The following GXYLT2 variants were observed in gnomAD, a reference collection of about 807,000 sequenced individuals.
GXYLT2 encodes the protein glycosyltransferase 8 domain containing 4.
GXYLT2 carries 53 observed loss-of-function variants against 45.8 expected under a neutral mutation model. The observed-to-expected ratio is 1.16, with a 90% CI of 0.93 to 1.46. The LOEUF (loss-of-function observed/expected upper bound fraction) is 1.46. Among genes scored for constraint, GXYLT2 ranks in the 40% most tolerant of loss-of-function variants. GXYLT2 has a pLI of 0.00. For missense variants in GXYLT2, 551 were observed against 544.4 expected (o/e 1.01, Z -0.12); for synonymous variants, 219 against 214.2 (o/e 1.02, Z -0.19).
chr3:72,928,169 A>T (rs1185689795), intron 3 of GXYLT2, among the ~76,000 whole-genome samples: 1 of 152,252 alleles, frequency 6.6e-6, no homozygotes, highest in Non-Finnish European at 1.5e-5. Context: ...AAATGGTGAC[A>T]TTAGGAGCCC....
intron 2 of GXYLT2, among the ~76,000 whole-genome samples, chr3:72,918,370 GCTTA>G (rs1335597849): frequency 1.3e-5 from 2 of 152,132 alleles, no homozygotes; most frequent in Non-Finnish European, 2.9e-5. Context: ...AGACTCTGGA[GCTTA>G]CTTAACCAAA....
intron 5 of GXYLT2, among the ~76,000 whole-genome samples, chr3:72,958,188 A>T (rs1710687002): frequency 6.6e-6 from 1 of 151,380 alleles, no homozygotes; most frequent in South Asian, 2.1e-4. Flanking sequence ...CAGGAGAATC[A>T]CTTGAACCCG....
At chr3:72,906,562 C>T (rs1709514020) in intron 1 of GXYLT2, among the ~76,000 whole-genome samples, 1 of 151,706 alleles carries the variant, frequency 6.6e-6, no homozygotes, top group Non-Finnish European at 1.5e-5. Context: ...TCCCTTATTC[C>T]CTGCAGAACG....
At chr3:72,932,951 G>A (rs1029973041) in intron 3 of GXYLT2, among the ~76,000 whole-genome samples, 1 of 152,126 alleles carries the variant, frequency 6.6e-6, no homozygotes, top group Admixed American at 6.6e-5. Flanking sequence ...GTAACCAGAA[G>A]AAATAATTTC....
chr3:72,895,425 C>T (rs1353392128), intron 1 of GXYLT2, among the ~76,000 whole-genome samples: 1 of 152,072 alleles, frequency 6.6e-6, no homozygotes, highest in Non-Finnish European at 1.5e-5. Flanking sequence ...CCAGAGAGTC[C>T]TGACTAATTT....
intron 6 of GXYLT2, among the ~76,000 whole-genome samples, chr3:72,972,500 G>A (rs1213133141): frequency 6.6e-6 from 1 of 151,818 alleles, no homozygotes; most frequent in Non-Finnish European, 1.5e-5. Flanking sequence ...AATCAGCCGG[G>A]CGTGGTGGCA....
intron 1 of GXYLT2, among the ~76,000 whole-genome samples, chr3:72,896,855 A>T (rs79942270): frequency 5.4e-5 from 6 of 110,298 alleles, no homozygotes; most frequent in African/African-American, 3.9e-4. Flanking sequence ...GTCTCACATT[A>T]AAAAAAAAAA....
intron 6 of GXYLT2, 90 bp from the exon 7 acceptor site, chr3:72,974,887 G>T (rs1711062502): frequency 1.0e-6 from 1 of 978,726 alleles, no homozygotes. Flanking sequence ...TGGGCTTATC[G>T]TAATTCCTGT....
At chr3:72,903,514 A>G (rs192419097) in intron 1 of GXYLT2, among the ~76,000 whole-genome samples, 2 of 152,330 alleles carry the variant, frequency 1.3e-5, no homozygotes, top group Admixed American at 6.5e-5. Flanking sequence ...GTGTAGTACA[A>G]GTGTGTTAAT....
intron 2 of GXYLT2, among the ~76,000 whole-genome samples, chr3:72,911,811 G>T (rs1709627982): frequency 6.6e-6 from 1 of 151,622 alleles, no homozygotes; most frequent in Non-Finnish European, 1.5e-5. Flanking sequence ...GTCTCACTCT[G>T]TTGCCCATTG....
chr3:72,932,909 A>G (rs961567751), intron 3 of GXYLT2, among the ~76,000 whole-genome samples: 13 of 152,224 alleles, frequency 8.5e-5, no homozygotes, highest in African/African-American at 3.1e-4. Context: ...GCCCAAATAC[A>G]TTTAAATCTT....
intron 5 of GXYLT2, among the ~76,000 whole-genome samples, chr3:72,963,379 C>G (rs1710802544): frequency 6.6e-6 from 1 of 151,962 alleles, no homozygotes; most frequent in Non-Finnish European, 1.5e-5. Context: ...TCGAGACCAG[C>G]CTGGCCAACA....
At chr3:72,946,729 G>A (rs1054923813) in intron 3 of GXYLT2, among the ~76,000 whole-genome samples, 3 of 152,040 alleles carry the variant, frequency 2.0e-5, no homozygotes, top group Admixed American at 2.0e-4. Flanking sequence ...TCACCTTGTG[G>A]GTTAAGATTT....
intron 1 of GXYLT2, among the ~76,000 whole-genome samples, chr3:72,895,620 G>T (rs1476214367): frequency 6.6e-6 from 1 of 152,074 alleles, no homozygotes; most frequent in Non-Finnish European, 1.5e-5. Context: ...ATTTTATGTT[G>T]TATGTATTTT....
rs1287100366 is a variant in GXYLT2, at chr3:72,974,998, T to C, written c.1171T>C (p.Phe391Leu). 1.9e-6 allele frequency: 3 copies of C among 1,588,662 alleles called. No individual in the cohort carries two copies. The highest frequency in any genetic ancestry group is 2.6e-6 in the Non-Finnish European group (3 of 1,166,490). ...TCAGTTTCCCTTTCAAGACAATCTCTTTCAATCCATGTATTACCCCCTTCA... is the reference window on the plus strand; with the variant it reads ...TCAGTTTCCCTTTCAAGACAATCTCCTTCAATCCATGTATTACCCCCTTCA... ...IRDFPFQDNL[F>L]QSMYYPLQLK... The change falls in exon 7 of 7, where the codon TTT (phenylalanine) becomes CTT (leucine). Residue 391 changes from phenylalanine (F) to leucine (L), a missense_variant. Physicochemically the swap from Phe to Leu is conservative, Grantham distance 22. Transcript: ENST00000389617.
intron 2 of GXYLT2, among the ~76,000 whole-genome samples, chr3:72,921,484 G>A (rs1709832582): frequency 6.6e-6 from 1 of 152,034 alleles, no homozygotes; most frequent in Non-Finnish European, 1.5e-5. Flanking sequence ...CCAGGCTGGA[G>A]TACTGTGGCA....
At chr3:72,961,355 A>G (rs1331886953) in intron 5 of GXYLT2, among the ~76,000 whole-genome samples, 1 of 152,126 alleles carries the variant, frequency 6.6e-6, no homozygotes, top group African/African-American at 2.4e-5. Flanking sequence ...CAGCTAAGTG[A>G]GGGCAGATAC....
chr3:72,888,151 C>CGCTGCTGCACTCATCCT lies in GXYLT2; in HGVS notation c.-80_-64dup. On this transcript the variant is annotated 5_prime_UTR_variant, in exon 1 of 7. Coordinates refer to ENST00000389617, the MANE Select transcript of GXYLT2 (RefSeq NM_001080393.2). ...GCGGGCGGAGGAGGCGACCGCCGCG[C>CGCTGCTGCACTCATCCT]GCTGCTGCACTCATCCTGCCGCCGC... The CGCTGCTGCACTCATCCT allele has an allele frequency of 1.1e-6, 1 of 927,136 alleles. No homozygotes were observed. Among genetic ancestry groups the CGCTGCTGCACTCATCCT allele is most frequent in the Non-Finnish European group, 1.3e-6 (1 of 778,724 alleles). The allele number at this position is 927,136 out of a possible 1,614,324, so 57.4% of individuals were successfully genotyped here.
chr3:72,888,401 G>T lies in GXYLT2; in HGVS notation c.168G>T (p.Gly56=), dbSNP rs1328577049. The T allele has an allele frequency of 9.9e-7, 1 of 1,006,676 alleles. No homozygotes were observed. Among genetic ancestry groups the T allele is most frequent in the African/African-American group, 1.7e-5 (1 of 57,242 alleles). The allele number at this position is 1,006,676 out of a possible 1,614,324, so 62.4% of individuals were successfully genotyped here. A position where few individuals can be genotyped will look rare whatever the true frequency, so the allele number is the denominator to read the frequency against. The change falls in exon 1 of 7, where the codon GGG becomes GGT. Residue 56 remains glycine, a synonymous_variant. Transcript: ENST00000389617. ...HPAPVPARWP[G]PGALPGASPG... Reference sequence around the variant, plus strand: ...CGCCTGTCCCCGCGCGCTGGCCGGGGCCGGGCGCCCTCCCCGGGGCCAGCC... The same window carrying T: ...CGCCTGTCCCCGCGCGCTGGCCGGGTCCGGGCGCCCTCCCCGGGGCCAGCC...
Sources: allele counts gnomAD v4.1 joint callset (sites outside exome capture counted in the v4.1 genomes callset), GRCh38; gene constraint gnomAD v4.1.1; transcripts MANE v1.5; gene names NCBI Gene and HGNC (gene_info 2026-07-23, HGNC 2026-07-21).